Variants in RAD21L1 observed in about 807,000 individuals in gnomAD.
RAD21L1 encodes the protein RAD21 cohesin complex component like 1.
Under a neutral mutation model 69.0 loss-of-function variants are expected in RAD21L1, and 47 were observed. The observed-to-expected ratio is 0.68, with a 90% CI of 0.54 to 0.87. RAD21L1 has a LOEUF of 0.87. Among genes scored for constraint, RAD21L1 ranks in the 40% least tolerant of loss-of-function variants. The probability of loss-of-function intolerance (pLI) is 0.00; values close to 1 mark genes in which losing one functional copy is unlikely to be tolerated. For missense variants in RAD21L1, 583 were observed against 647.6 expected (o/e 0.90, Z 1.08); for synonymous variants, 177 against 205.8 (o/e 0.86, Z 1.20).
At chr20:1,237,806 T>C (rs528157811) in intron 5 of RAD21L1, among the ~76,000 whole-genome samples, 88 of 152,330 alleles carry the variant, frequency 5.8e-4, no homozygotes, top group African/African-American at 2.1e-3. Flanking sequence ...AACTATAAAC[T>C]CTATGTAATA....
Position 1,236,365 on chromosome 20 carries a change from T to C in RAD21L1, c.476-1679T>C, listed in dbSNP as rs572663318. Among the ~76,000 whole-genome samples the C allele has an allele frequency of 1.7e-3, 254 of 152,326 alleles. 1 individual carries two copies. The highest frequency in any genetic ancestry group is 3.1e-3 in the Non-Finnish European group (211 of 68,022). On this transcript the variant is annotated intron_variant, in intron 5 of 13. Transcript: ENST00000683101. ...GGTCCCTATAACTTACTGTATCACA[T>C]ACTTCTACCTATACTCAAGGCCCTC...
intron 3 of RAD21L1, 135 bp from the exon 4 acceptor site, chr20:1,231,391 C>A: frequency 1.6e-6 from 1 of 631,672 alleles, no homozygotes; most frequent in Non-Finnish European, 2.8e-6. Context: ...GAATGGACTA[C>A]ACAAGGGTAG....
At chr20:1,249,405 C>G (rs1317583246) in intron 13 of RAD21L1, among the ~76,000 whole-genome samples, 1 of 152,018 alleles carries the variant, frequency 6.6e-6, no homozygotes, top group Non-Finnish European at 1.5e-5. Context: ...GACAGGGAGC[C>G]AAAATATTAG....
intron 2 of RAD21L1, 30 bp from the exon 3 acceptor site, chr20:1,229,850 C>T (rs1239368898): frequency 2.7e-6 from 4 of 1,476,796 alleles, no homozygotes; most frequent in Non-Finnish European, 3.7e-6. Context: ...CTAATCTTTA[C>T]TCTTCTAATA....
At chr20:1,236,200 AG>A (rs1328421826) in intron 5 of RAD21L1, among the ~76,000 whole-genome samples, 6 of 152,192 alleles carry the variant, frequency 3.9e-5, no homozygotes, top group Admixed American at 3.9e-4. Context: ...ATAGTTCACC[AG>A]TACCAAAGAC....
chr20:1,243,670 A>C (rs961196336), intron 10 of RAD21L1, among the ~76,000 whole-genome samples: 1 of 152,208 alleles, frequency 6.6e-6, no homozygotes, highest in East Asian at 1.9e-4. Context: ...TGATAATTAT[A>C]AAGTGATAAT....
intron 1 of RAD21L1, chr20:1,226,382 G>A (rs1462632232): frequency 6.6e-6 from 1 of 152,296 alleles, no homozygotes; most frequent in Non-Finnish European, 1.5e-5. Context: ...TGGGCGCTGT[G>A]GCCTCAGTTT....
chr20:1,230,524 A>G, intron 3 of RAD21L1: 1 of 631,760 alleles, frequency 1.6e-6, no homozygotes, highest in Non-Finnish European at 2.0e-6. Flanking sequence ...TTCACTTTGA[A>G]GACATTTTTT....
intron 6 of RAD21L1, among the ~76,000 whole-genome samples, chr20:1,238,661 A>C (rs1214887312): frequency 6.6e-6 from 1 of 152,060 alleles, no homozygotes; most frequent in Non-Finnish European, 1.5e-5. Context: ...ACTGTATCAA[A>C]TACCTCTACC....
intron 8 of RAD21L1, among the ~76,000 whole-genome samples, 187 bp from the exon 9 acceptor site, chr20:1,242,432 C>G (rs2122841598): frequency 6.6e-6 from 1 of 152,188 alleles, no homozygotes; most frequent in East Asian, 1.9e-4. Context: ...GGGGTTTAGC[C>G]ATGTTGCCCA....
Position 1,229,923 on chromosome 20 carries a change from T to C in RAD21L1, c.188T>C (p.Val63Ala), listed in dbSNP as rs1272513351. ...ACTTCAGGACACCTTCTTTTGGGAG[T>C]TGTTCGAATCTATAACAGGAAGGCA... Reference protein sequence around the residue: ...LRTSGHLLLGVVRIYNRKAKY... With the variant: ...LRTSGHLLLGAVRIYNRKAKY... Residue 63 changes from valine (V) to alanine (A), a missense_variant, in exon 3 of 14, where the codon GTT becomes GCT. Val to Ala is a moderately conservative substitution (Grantham distance 64). Transcript: ENST00000683101. 1.3e-6 allele frequency: 2 copies of C among 1,549,184 alleles called. No individual in the cohort carries two copies. Among genetic ancestry groups the C allele is most frequent in the South Asian group, 1.2e-5 (1 of 83,846 alleles).
Position 1,240,525 on chromosome 20 carries a change from G to T in RAD21L1, c.856+91G>T, listed in dbSNP as rs971342802. Reference sequence around the variant, plus strand: ...TTGAATAATCACTGAAATATTATAGGAGATAGTCAATCTAGTAATAGCACT... The same window carrying T: ...TTGAATAATCACTGAAATATTATAGTAGATAGTCAATCTAGTAATAGCACT... On this transcript the variant is annotated intron_variant, in intron 8 of 13. Coordinates refer to ENST00000683101, the MANE Select transcript of RAD21L1 (RefSeq NM_001384355.1). 2.7e-6 allele frequency: 4 copies of T among 1,457,588 alleles called. No homozygotes were observed. In the African/African-American group the frequency reaches 5.8e-5, roughly 21 times the overall value. The allele number at this position is 1,457,588 out of a possible 1,614,324, so 90.3% of individuals were successfully genotyped here. A position where few individuals can be genotyped will look rare whatever the true frequency, so the allele number is the denominator to read the frequency against.
chr20:1,250,177 A>G (rs1180723757), intron 13 of RAD21L1, among the ~76,000 whole-genome samples: 6 of 150,804 alleles, frequency 4.0e-5, no homozygotes, highest in African/African-American at 1.5e-4. Flanking sequence ...CCTACAAAGG[A>G]CATGAACTCA....
At position 1,255,788 on chromosome 20, in the gene RAD21L1, T is replaced by A. The variant is rs2087922602; in HGVS notation, c.*1331T>A. ...ACTCTTCTCCATGACTACACTTTTG[T>A]CTTTTTGAAAATGTCACACAGATGG... On this transcript the variant is annotated 3_prime_UTR_variant, in exon 14 of 14. Coordinates refer to ENST00000683101, the MANE Select transcript of RAD21L1 (RefSeq NM_001384355.1). Among the ~76,000 whole-genome samples the A allele has an allele frequency of 2.6e-5, 4 of 152,198 alleles. No homozygotes were observed. Among genetic ancestry groups the A allele is most frequent in the Admixed American group, 2.6e-4 (4 of 15,274 alleles).
At chr20:1,243,041 C>G (rs2087648049) in intron 9 of RAD21L1, 56 bp from the exon 10 acceptor site, 1 of 1,124,600 alleles carries the variant, frequency 8.9e-7, no homozygotes, top group African/African-American at 1.6e-5. Flanking sequence ...CTTGTGTTTT[C>G]TTGAATTGCT....
intron 5 of RAD21L1, among the ~76,000 whole-genome samples, chr20:1,237,017 T>A (rs988298855): frequency 2.6e-5 from 4 of 152,232 alleles, no homozygotes; most frequent in Non-Finnish European, 5.9e-5. Flanking sequence ...TAATTTAGTC[T>A]TTTCTTCTGA....
intron 6 of RAD21L1, among the ~76,000 whole-genome samples, chr20:1,238,764 TAGTC>T (rs2122817306): frequency 6.6e-6 from 1 of 152,270 alleles, no homozygotes; most frequent in South Asian, 2.1e-4. Context: ...CATTATAAAA[TAGTC>T]ATAGAAATCG....
chr20:1,244,044 A>G lies in RAD21L1; in HGVS notation c.1184-2A>G. 6.5e-7 allele frequency: 1 copy of G among 1,548,642 alleles called. No homozygotes were observed. The highest frequency in any genetic ancestry group is 2.4e-5 in the East Asian group (1 of 40,880). ...ATTGTCTTTATTTCCTTGATAATTC[A>G]GAGACATCCATGATGCAAGAGCCAA... is the stretch of plus-strand genomic sequence containing the variant. On this transcript the variant is annotated splice_acceptor_variant, in intron 10 of 13. Transcript: ENST00000683101. LOFTEE classifies it high-confidence loss of function.
chr20:1,238,005 G>T, intron 5 of RAD21L1, 39 bp from the exon 6 acceptor site: 1 of 1,148,106 alleles, frequency 8.7e-7, no homozygotes, highest in Non-Finnish European at 1.2e-6. Flanking sequence ...ATAATTCTGT[G>T]TTTCTATGAA....
Sources: allele counts gnomAD v4.1 joint callset (sites outside exome capture counted in the v4.1 genomes callset), GRCh38; gene constraint gnomAD v4.1.1; transcripts MANE v1.5; gene names NCBI Gene and HGNC (gene_info 2026-07-23, HGNC 2026-07-21).